Variants in EPN2 observed in about 807,000 individuals in gnomAD.
EPN2 encodes epsin-2.
EPN2 carries 34 observed loss-of-function variants against 61.7 expected under a neutral mutation model. That is an observed-to-expected ratio of 0.55 (90% CI 0.42 to 0.73). The LOEUF (loss-of-function observed/expected upper bound fraction) is 0.73, where lower values mean the gene tolerates loss of function less well. Ranked by LOEUF, EPN2 falls within the 30% of genes least tolerant of loss-of-function variation. EPN2 has a pLI of 0.00. For synonymous variants in EPN2, 349 were observed against 353.6 expected (o/e 0.99, Z 0.15); for missense variants, 714 against 839.2 (o/e 0.85, Z 1.84).
chr17:19,332,161 G>C (rs1356775833), intron 10 of EPN2, 93 bp downstream of exon 10: 1 of 912,360 alleles, frequency 1.1e-6, no homozygotes, highest in East Asian at 2.5e-5. Flanking sequence ...CTGTGTGACG[G>C]GGAAGGGGTG....
chr17:19,246,364 G>T (rs1002208731), intron 1 of EPN2, among the ~76,000 whole-genome samples: 19 of 152,130 alleles, frequency 1.2e-4, no homozygotes, highest in East Asian at 1.9e-4. Flanking sequence ...AAAATAATAA[G>T]AATAATAATA....
intron 5 of EPN2, among the ~76,000 whole-genome samples, chr17:19,310,571 CTTTTTTTTTTT>C (rs71155391): frequency 2.3e-3 from 190 of 80,930 alleles, no homozygotes; most frequent in African/African-American, 8.4e-3. Flanking sequence ...CTCCTTCTTT[CTTTTTTTTTTT>C]TTTTTTTTTT....
At chr17:19,303,066 A>C (rs938285635) in intron 4 of EPN2, among the ~76,000 whole-genome samples, 1 of 152,386 alleles carries the variant, frequency 6.6e-6, no homozygotes, top group Middle Eastern at 3.4e-3. Flanking sequence ...TGGAAGCACA[A>C]GAAAATGTGA....
At chr17:19,299,421 G>A (rs1905360065) in intron 4 of EPN2, among the ~76,000 whole-genome samples, 1 of 152,344 alleles carries the variant, frequency 6.6e-6, no homozygotes, top group Non-Finnish European at 1.5e-5. Flanking sequence ...GAGGCTGCAG[G>A]TCCTCTTTTC....
intron 4 of EPN2, among the ~76,000 whole-genome samples, chr17:19,292,694 T>C (rs754568557): frequency 2.8e-4 from 42 of 152,364 alleles, no homozygotes; most frequent in Middle Eastern, 3.4e-3. Flanking sequence ...GATTTGAATG[T>C]GATTCGTGAA....
In EPN2 at chr17:19,313,058, G is replaced by A. The variant is rs371933381; in HGVS notation, c.973-47G>A. ...TATGGCTAGTTCATGAGTATTTGCTGTAACTGTAGCATAGTAAAACCTGTC... is the reference window on the plus strand; with the variant it reads ...TATGGCTAGTTCATGAGTATTTGCTATAACTGTAGCATAGTAAAACCTGTC... On this transcript the variant is annotated intron_variant, in intron 6 of 10. Coordinates refer to ENST00000314728, the MANE Select transcript of EPN2 (RefSeq NM_014964.5). 9 of 1,585,634 alleles carry A rather than the reference G, an allele frequency of 5.7e-6. No homozygotes were observed. The African/African-American group carries it at 1.1e-4, about 19-fold the overall frequency.
At position 19,336,702 on chromosome 17, in the gene EPN2, C is replaced by T. The variant is rs1346984297; in HGVS notation, c.*2448C>T. ...TATTTACTGTATAAATATAATTTAT[C>T]ATTTGTACCATGATGCGGTTTCTGG... On this transcript the variant is annotated 3_prime_UTR_variant, in exon 11 of 11. Transcript: ENST00000314728. 2 of 152,566 alleles carry T rather than the reference C, an allele frequency of 1.3e-5. No individual in the cohort carries two copies. Among genetic ancestry groups the T allele is most frequent in the Admixed American group, 6.5e-5 (1 of 15,284 alleles). The allele number at this position is 152,566 out of a possible 1,614,324, so 9.5% of individuals were successfully genotyped here. A position where few individuals can be genotyped will look rare whatever the true frequency, so the allele number is the denominator to read the frequency against.
At chr17:19,303,400 C>T (rs975522131) in intron 4 of EPN2, among the ~76,000 whole-genome samples, 1 of 152,230 alleles carries the variant, frequency 6.6e-6, no homozygotes, top group African/African-American at 2.4e-5. Context: ...CCTGTCCCTG[C>T]AGTCTGTGTC....
At chr17:19,252,159 G>A (rs751617429) in intron 1 of EPN2, among the ~76,000 whole-genome samples, 1 of 152,000 alleles carries the variant, frequency 6.6e-6, no homozygotes, top group African/African-American at 2.4e-5. Flanking sequence ...AGACTAGGCC[G>A]CACAGCTCCC....
intron 4 of EPN2, among the ~76,000 whole-genome samples, chr17:19,289,730 T>TTTTG (rs2045443636): frequency 8.4e-6 from 1 of 118,456 alleles, no homozygotes; most frequent in Non-Finnish European, 1.7e-5. Flanking sequence ...CATGGTTTTT[T>TTTTG]TTTTTTTTTT....
intron 1 of EPN2, among the ~76,000 whole-genome samples, chr17:19,260,291 G>A (rs963483436): frequency 6.6e-6 from 1 of 152,246 alleles, no homozygotes; most frequent in East Asian, 1.9e-4. Flanking sequence ...GGGCCAGGAG[G>A]AAGGAAACCC....
chr17:19,289,363 T>C (rs2045437642), intron 4 of EPN2, among the ~76,000 whole-genome samples: 1 of 151,760 alleles, frequency 6.6e-6, no homozygotes, highest in Non-Finnish European at 1.5e-5. Flanking sequence ...GGATTACAGG[T>C]GTGAGCCACC....
intron 10 of EPN2, among the ~76,000 whole-genome samples, chr17:19,333,224 C>G (rs1220363811): frequency 1.3e-5 from 2 of 152,168 alleles, no homozygotes; most frequent in Non-Finnish European, 1.5e-5. Context: ...CAGTGGTCAT[C>G]TGTGTCTGTC....
chr17:19,300,020 C>A (rs753276759), intron 4 of EPN2, among the ~76,000 whole-genome samples: 1 of 152,180 alleles, frequency 6.6e-6, no homozygotes, highest in East Asian at 1.9e-4. Flanking sequence ...GGCAGATGGC[C>A]GGCTGGAAGC....
intron 1 of EPN2, among the ~76,000 whole-genome samples, chr17:19,264,937 G>C (rs1383741069): frequency 6.6e-6 from 1 of 152,126 alleles, no homozygotes; most frequent in Non-Finnish European, 1.5e-5. Flanking sequence ...GAGCTCCAAG[G>C]CCTCTGGCTC....
intron 8 of EPN2, 94 bp from the exon 9 acceptor site, chr17:19,329,467 G>A: frequency 2.8e-6 from 2 of 720,264 alleles, no homozygotes; most frequent in Non-Finnish European, 4.7e-6. Context: ...AGAGGCCCCT[G>A]TTGCCAGCCC....
intron 1 of EPN2, among the ~76,000 whole-genome samples, chr17:19,254,550 A>G (rs1047019913): frequency 1.4e-4 from 21 of 151,872 alleles, no homozygotes; most frequent in Non-Finnish European, 2.2e-4. Context: ...CAAAAAAAAC[A>G]AAAACAAAAA....
chr17:19,291,328 GC>G (rs1236496399), intron 4 of EPN2, among the ~76,000 whole-genome samples: 1 of 152,182 alleles, frequency 6.6e-6, no homozygotes. Flanking sequence ...AGGCCTTCGG[GC>G]CATGCCTCCA....
intron 1 of EPN2, among the ~76,000 whole-genome samples, chr17:19,260,806 C>G (rs1597977355): frequency 1.3e-5 from 2 of 152,220 alleles, no homozygotes; most frequent in South Asian, 4.2e-4. Context: ...TTTCTTAATG[C>G]AAGTACAGCA....
Sources: allele counts gnomAD v4.1 joint callset (sites outside exome capture counted in the v4.1 genomes callset), GRCh38; gene constraint gnomAD v4.1.1; transcripts MANE v1.5; gene names NCBI Gene and HGNC (gene_info 2026-07-23, HGNC 2026-07-21).